Variants in FBN2 observed in about 807,000 individuals in gnomAD.
FBN2 encodes the protein fibrillin-2.
Under a neutral mutation model 355.6 loss-of-function variants are expected in FBN2, and 105 were observed. That is an observed-to-expected ratio of 0.30 (90% CI 0.25 to 0.35). FBN2 has a LOEUF of 0.35. FBN2 is among the 10% of genes least tolerant of loss of function. FBN2 has a pLI of 1.00. For synonymous variants in FBN2, 1,350 were observed against 1,301.2 expected (o/e 1.04, Z -0.81); for missense variants, 3,280 against 3,758.7 (o/e 0.87, Z 3.33).
At position 128,357,263 on chromosome 5, in the gene FBN2, G is replaced by C. The variant is rs763157469; in HGVS notation, c.2674+13C>G. The C allele has an allele frequency of 1.2e-6, 2 of 1,613,612 alleles. No individual in the cohort carries two copies. Among genetic ancestry groups the C allele is most frequent in the South Asian group, 2.2e-5 (2 of 91,080 alleles). On this transcript the variant is annotated intron_variant, in intron 20 of 64. Transcript: ENST00000262464. ...AGTGAAATTGAAGCATCAGTATTGT[G>C]TATGAATCTTACCAATACAGATCAA...
chr5:128,515,345 G>C (rs577499917), intron 5 of FBN2, among the ~76,000 whole-genome samples: 1 of 152,178 alleles, frequency 6.6e-6, no homozygotes, highest in Non-Finnish European at 1.5e-5. Context: ...TTTCAGAGAA[G>C]TTGTCATCAT....
intron 5 of FBN2, among the ~76,000 whole-genome samples, chr5:128,474,233 G>C (rs1302710380): frequency 6.6e-6 from 1 of 152,218 alleles, no homozygotes; most frequent in Non-Finnish European, 1.5e-5. Flanking sequence ...AGTAAGATTA[G>C]TTAAGCAGAA....
At chr5:128,288,169 AC>A (rs1749211979) in intron 53 of FBN2, among the ~76,000 whole-genome samples, 1 of 152,120 alleles carries the variant, frequency 6.6e-6, no homozygotes, top group South Asian at 2.1e-4. Context: ...GGAAACTGTG[AC>A]TCCATTTCAA....
chr5:128,318,389 A>T, intron 35 of FBN2, 118 bp from the exon 36 acceptor site: 1 of 988,732 alleles, frequency 1.0e-6, no homozygotes, highest in Admixed American at 1.7e-5. Context: ...ACTAGGAAAG[A>T]CTCAACACAA....
At chr5:128,455,501 A>C (rs1754355908) in intron 6 of FBN2, among the ~76,000 whole-genome samples, 1 of 152,166 alleles carries the variant, frequency 6.6e-6, no homozygotes, top group African/African-American at 2.4e-5. Context: ...CAACAGTTTA[A>C]AGTAAAATGT....
intron 5 of FBN2, among the ~76,000 whole-genome samples, chr5:128,494,752 T>A (rs1428103555): frequency 6.6e-6 from 1 of 152,160 alleles, no homozygotes; most frequent in Non-Finnish European, 1.5e-5. Flanking sequence ...AGAAACAGAC[T>A]TCACTAAGAT....
At position 128,345,601 on chromosome 5, in the gene FBN2, A is replaced by C. The variant is rs776969332; in HGVS notation, c.2990-17T>G. 2.5e-6 allele frequency: 4 copies of C among 1,598,934 alleles called. No individual in the cohort carries two copies. In the African/African-American group the frequency reaches 5.4e-5, roughly 21 times the overall value. Reference sequence around the variant, plus strand: ...TGCGAATATCTACACCGAGAACGAAATCACAGGGTGAGAATGAGTTGAAAC... The same window carrying C: ...TGCGAATATCTACACCGAGAACGAACTCACAGGGTGAGAATGAGTTGAAAC... On this transcript the variant is annotated splice_polypyrimidine_tract_variant and intron_variant, in intron 23 of 64. Coordinates refer to ENST00000262464, the MANE Select transcript of FBN2 (RefSeq NM_001999.4).
At chr5:128,400,169 T>C (rs1251192486) in intron 8 of FBN2, among the ~76,000 whole-genome samples, 1 of 151,996 alleles carries the variant, frequency 6.6e-6, no homozygotes, top group East Asian at 1.9e-4. Context: ...CTTTATTTTT[T>C]GGTTTATTTT....
intron 2 of FBN2, among the ~76,000 whole-genome samples, chr5:128,534,431 G>A (rs1185902536): frequency 1.3e-5 from 2 of 152,128 alleles, no homozygotes; most frequent in African/African-American, 4.8e-5. Flanking sequence ...AGAATATAAA[G>A]GTATTACACT....
Position 128,304,937 on chromosome 5 carries a change from G to T in FBN2, c.5800+20C>A. 1 of 1,613,714 alleles carries T rather than the reference G, an allele frequency of 6.2e-7. No individual in the cohort carries two copies. Among genetic ancestry groups the T allele is most frequent in the Non-Finnish European group, 8.5e-7 (1 of 1,179,828 alleles). On this transcript the variant is annotated intron_variant, in intron 45 of 64. Transcript: ENST00000262464. Reference sequence around the variant, plus strand: ...AACCCCAGCCCCACTTCACTCCCTGGAGCCACATGCCCTTCTTACCCATGC... The same window carrying T: ...AACCCCAGCCCCACTTCACTCCCTGTAGCCACATGCCCTTCTTACCCATGC...
intron 5 of FBN2, among the ~76,000 whole-genome samples, chr5:128,467,304 A>G (rs1454468262): frequency 6.6e-6 from 1 of 152,050 alleles, no homozygotes; most frequent in Non-Finnish European, 1.5e-5. Context: ...ACCATTTCTT[A>G]TTTGTTTTGC....
chr5:128,296,234 T>C (rs1323799929), intron 48 of FBN2, among the ~76,000 whole-genome samples: 1 of 150,994 alleles, frequency 6.6e-6, no homozygotes, highest in Non-Finnish European at 1.5e-5. Flanking sequence ...CTGGATTTGG[T>C]TTGCCAGTAT....
At chr5:128,328,559 G>T in intron 34 of FBN2, 137 bp downstream of exon 34, 2 of 927,398 alleles carry the variant, frequency 2.2e-6, no homozygotes, top group Non-Finnish European at 3.4e-6. Flanking sequence ...AATAATCCAC[G>T]CTTAAACGAA....
At chr5:128,532,926 G>A (rs1756745460) in intron 2 of FBN2, among the ~76,000 whole-genome samples, 2 of 152,154 alleles carry the variant, frequency 1.3e-5, no homozygotes, top group Admixed American at 1.3e-4. Context: ...CATAGTCCCA[G>A]CTACTCAGGA....
intron 58 of FBN2, among the ~76,000 whole-genome samples, chr5:128,277,055 G>A (rs1463255719): frequency 6.6e-6 from 1 of 152,066 alleles, no homozygotes; most frequent in Non-Finnish European, 1.5e-5. Flanking sequence ...TATGATTAAT[G>A]GCCTATTCTC....
intron 6 of FBN2, among the ~76,000 whole-genome samples, chr5:128,453,902 T>C (rs1407304643): frequency 6.6e-6 from 1 of 152,194 alleles, no homozygotes; most frequent in Non-Finnish European, 1.5e-5. Flanking sequence ...TGGTCCATAC[T>C]TCCTCTTTGT....
chr5:128,296,663 T>C (rs1429887316), intron 48 of FBN2, among the ~76,000 whole-genome samples: 1 of 152,222 alleles, frequency 6.6e-6, no homozygotes, highest in African/African-American at 2.4e-5. Flanking sequence ...AGTTTGTATT[T>C]CTGTGGGATC....
At chr5:128,338,581 G>A (rs963276542) in intron 26 of FBN2, among the ~76,000 whole-genome samples, 2 of 152,160 alleles carry the variant, frequency 1.3e-5, no homozygotes, top group African/African-American at 4.8e-5. Context: ...ACACAAATAA[G>A]AGCAATAACA....
intron 5 of FBN2, among the ~76,000 whole-genome samples, chr5:128,493,017 A>C (rs1755553667): frequency 6.6e-6 from 1 of 152,192 alleles, no homozygotes; most frequent in African/African-American, 2.4e-5. Flanking sequence ...TTCCTGGGCA[A>C]GTGCTACGAG....
Sources: gnomAD v4.1 joint callset for allele counts (sites outside exome capture counted in the v4.1 genomes callset) on GRCh38, gnomAD v4.1.1 for gene constraint, MANE v1.5 for transcripts, NCBI Gene and HGNC (gene_info 2026-07-23, HGNC 2026-07-21) for gene names.